STMN2: variants seen among roughly 807,000 people sequenced by gnomAD.
STMN2 encodes stathmin 2.
Under a neutral mutation model 24.1 loss-of-function variants are expected in STMN2, and 2 were observed. The observed-to-expected ratio is 0.08, with a 90% CI of 0.03 to 0.26. The LOEUF is 0.26. STMN2 is among the 10% of genes least tolerant of loss of function. The probability of loss-of-function intolerance (pLI) is 1.00; values close to 1 mark genes in which losing one functional copy is unlikely to be tolerated. For synonymous variants in STMN2, 83 were observed against 77.5 expected (o/e 1.07, Z -0.37); for missense variants, 114 against 213.6 (o/e 0.53, Z 2.91).
chr8:79,618,786 T>G (rs1340630909), intron 1 of STMN2, among the ~76,000 whole-genome samples: 1 of 152,200 alleles, frequency 6.6e-6, no homozygotes, highest in Non-Finnish European at 1.5e-5. Context: ...TAAAGGTTAA[T>G]TAATGCATTT....
chr8:79,618,878 A>T (rs1195733738), intron 1 of STMN2, among the ~76,000 whole-genome samples: 1 of 152,152 alleles, frequency 6.6e-6, no homozygotes, highest in African/African-American at 2.4e-5. Flanking sequence ...TTATACTATA[A>T]AACCATAACA....
intron 1 of STMN2, among the ~76,000 whole-genome samples, chr8:79,618,012 G>C (rs1809423318): frequency 6.6e-6 from 1 of 152,206 alleles, no homozygotes; most frequent in South Asian, 2.1e-4. Context: ...TCCAGAATTT[G>C]GGCCCAGGCC....
At chr8:79,618,507 C>T (rs753652488) in intron 1 of STMN2, among the ~76,000 whole-genome samples, 9 of 152,162 alleles carry the variant, frequency 5.9e-5, no homozygotes, top group Non-Finnish European at 1.2e-4. Context: ...TTTACACATT[C>T]ACATTTAATA....
At chr8:79,629,298 A>G (rs558351558) in intron 1 of STMN2, among the ~76,000 whole-genome samples, 38 of 152,260 alleles carry the variant, frequency 2.5e-4, no homozygotes, top group Non-Finnish European at 4.3e-4. Context: ...ATAAAATAGA[A>G]TATATTTATT....
In STMN2 at chr8:79,643,226, G is replaced by C. The variant is rs563390934; in HGVS notation, c.288+1676G>C. ...AAACAGGAACCTGAGCTACTAACTC[G>C]ACTATATATATATATATATATACAG... On this transcript the variant is annotated intron_variant, in intron 3 of 4. Transcript: ENST00000220876. 2.2e-5 allele frequency among the ~76,000 whole-genome samples: 3 copies of C among 136,500 alleles called. No individual in the cohort carries two copies. The South Asian group carries it at 6.7e-4, about 31-fold the overall frequency. 89.5% of individuals were successfully genotyped at this position (136,500 alleles called of 152,430 possible).
At chr8:79,650,067 G>A (rs990665893) in intron 3 of STMN2, among the ~76,000 whole-genome samples, 1 of 152,158 alleles carries the variant, frequency 6.6e-6, no homozygotes, top group Non-Finnish European at 1.5e-5. Context: ...AGGTTCTTTA[G>A]TCTCCCGGAA....
At chr8:79,661,074 A>G (rs1293637229) in intron 4 of STMN2, among the ~76,000 whole-genome samples, 2 of 152,136 alleles carry the variant, frequency 1.3e-5, no homozygotes, top group African/African-American at 4.8e-5. Context: ...CATTAGTTCC[A>G]TATCTTTGTA....
At chr8:79,659,101 A>G (rs190867680) in intron 4 of STMN2, among the ~76,000 whole-genome samples, 28 of 152,312 alleles carry the variant, frequency 1.8e-4, no homozygotes, top group Admixed American at 7.8e-4. Flanking sequence ...TCTTCCTCCA[A>G]AGAAGAATGT....
At position 79,662,874 on chromosome 8, in the gene STMN2, A is replaced by G. The variant is rs144628939; in HGVS notation, c.481-1941A>G. On this transcript the variant is annotated intron_variant, in intron 4 of 4. Transcript: ENST00000220876. Reference sequence around the variant, plus strand: ...TCTGGGCTTTTTCTCAATTTTTGCCAGAGCTCAGCTCTCACTAATTAGTTT... The same window carrying G: ...TCTGGGCTTTTTCTCAATTTTTGCCGGAGCTCAGCTCTCACTAATTAGTTT... Among the ~76,000 whole-genome samples, 382 of 152,204 alleles carry G rather than the reference A, an allele frequency of 2.5e-3. 5 individuals carry two copies. Among genetic ancestry groups the G allele is most frequent in the Admixed American group, 5.7e-3 (87 of 15,280 alleles).
At chr8:79,623,709 T>G (rs1212603408) in intron 1 of STMN2, among the ~76,000 whole-genome samples, 1 of 152,124 alleles carries the variant, frequency 6.6e-6, no homozygotes, top group African/African-American at 2.4e-5. Flanking sequence ...GAGCTTTATA[T>G]GAAAGCACCA....
chr8:79,663,728 A>G lies in STMN2; in HGVS notation c.481-1087A>G, dbSNP rs76471052. 2,699 of 1,268,552 alleles carry G rather than the reference A, an allele frequency of 2.1e-3. 73 individuals are homozygous for G. The East Asian group carries it at 0.065, about 30-fold the overall frequency. The allele number at this position is 1,268,552 out of a possible 1,614,324, so 78.6% of individuals were successfully genotyped here. A position where few individuals can be genotyped will look rare whatever the true frequency, so the allele number is the denominator to read the frequency against. On this transcript the variant is annotated intron_variant, in intron 4 of 4. Coordinates refer to ENST00000220876, the MANE Select transcript of STMN2 (RefSeq NM_007029.4). ...ATTAGCATCTTAAAATTTCAATTCA[A>G]TGAACATTTATTTAGCGCCTATGAT...
intron 1 of STMN2, among the ~76,000 whole-genome samples, chr8:79,624,966 G>A (rs1399811275): frequency 6.6e-6 from 1 of 151,244 alleles, no homozygotes; most frequent in African/African-American, 2.4e-5. Context: ...CAAGTCACAT[G>A]TCCCACGCAC....
At chr8:79,634,378 C>T (rs1809889227) in intron 1 of STMN2, among the ~76,000 whole-genome samples, 1 of 152,140 alleles carries the variant, frequency 6.6e-6, no homozygotes. Context: ...AGGCGTTCAA[C>T]AAAATATCTC....
At position 79,625,830 on chromosome 8, in the gene STMN2, C is replaced by T. The variant is rs555259904; in HGVS notation, c.20-10972C>T. Among the ~76,000 whole-genome samples the T allele has an allele frequency of 4.6e-5, 7 of 152,064 alleles. 1 individual carries two copies. The highest frequency in any genetic ancestry group is 1.9e-4 in the East Asian group (1 of 5,180). On this transcript the variant is annotated intron_variant, in intron 1 of 4. Transcript: ENST00000220876. ...AAAATTAGCTGGATGTGGTGGTTGC[C>T]GCCTGTAATCCCAGCTACTTGGGAG...
chr8:79,640,845 A>T (rs2029819), intron 2 of STMN2, among the ~76,000 whole-genome samples: 71,277 of 152,072 alleles, frequency 0.47, 17,216 homozygotes, highest in Middle Eastern at 0.55. Flanking sequence ...GGTTCTAACG[A>T]AGCTCCTGTG....
intron 3 of STMN2, among the ~76,000 whole-genome samples, chr8:79,647,601 G>A (rs531839197): frequency 6.6e-6 from 1 of 152,302 alleles, no homozygotes; most frequent in South Asian, 2.1e-4. Flanking sequence ...TGACACTATT[G>A]CAGCACTGAC....
At chr8:79,652,840 T>A (rs748349821) in intron 3 of STMN2, among the ~76,000 whole-genome samples, 5 of 151,954 alleles carry the variant, frequency 3.3e-5, no homozygotes, top group Non-Finnish European at 7.4e-5. Context: ...CACACACACC[T>A]CTCTCCCTGT....
intron 2 of STMN2, 26 bp from the exon 3 acceptor site, chr8:79,641,352 A>T (rs538797036): frequency 1.6e-5 from 26 of 1,607,226 alleles, no homozygotes; most frequent in Non-Finnish European, 2.1e-5. Context: ...TTGTATGCTT[A>T]ACATTCTCAA....
In STMN2 at chr8:79,611,226, C is replaced by A. The variant is rs115769533; in HGVS notation, c.19+12C>A. 1.1e-5 allele frequency: 18 copies of A among 1,613,986 alleles called. No individual in the cohort carries two copies. Among genetic ancestry groups the A allele is most frequent in the Non-Finnish European group, 1.4e-5 (16 of 1,180,030 alleles). On this transcript the variant is annotated intron_variant, in intron 1 of 4. Coordinates refer to ENST00000220876, the MANE Select transcript of STMN2 (RefSeq NM_007029.4). ...TAAAACAGCAATGGGTAAGGCACTGCGCCTCGTTCTCCGTCGGCTCTACCT... is the reference window on the plus strand; with the variant it reads ...TAAAACAGCAATGGGTAAGGCACTGAGCCTCGTTCTCCGTCGGCTCTACCT...
Sources: gnomAD v4.1 joint callset for allele counts (sites outside exome capture counted in the v4.1 genomes callset) on GRCh38, gnomAD v4.1.1 for gene constraint, MANE v1.5 for transcripts, NCBI Gene and HGNC (gene_info 2026-07-23, HGNC 2026-07-21) for gene names.